CNOT8: variants seen among roughly 807,000 people sequenced by gnomAD.
CNOT8 encodes the protein CAF1-like protein.
A neutral mutation model predicts 34.6 loss-of-function variants in CNOT8; 18 were observed. The observed-to-expected ratio is 0.52, with a 90% CI of 0.36 to 0.77. The LOEUF (loss-of-function observed/expected upper bound fraction) is 0.77. Among genes scored for constraint, CNOT8 ranks in the 30% least tolerant of loss-of-function variants. CNOT8 has a pLI of 0.00. For synonymous variants in CNOT8, 101 were observed against 118.8 expected, an observed-to-expected ratio of 0.85 and a Z score of 0.98; for missense variants, 189 against 347.9, an observed-to-expected ratio of 0.54 and a Z score of 3.63.
intron 6 of CNOT8, among the ~76,000 whole-genome samples, chr5:154,873,123 C>T (rs1459500630): frequency 6.6e-6 from 1 of 151,714 alleles, no homozygotes; most frequent in Non-Finnish European, 1.5e-5. Context: ...CCAGGCTGGT[C>T]TCGAACTCCT....
chr5:154,860,934 G>A (rs554902453), intron 1 of CNOT8, among the ~76,000 whole-genome samples: 2 of 152,170 alleles, frequency 1.3e-5, no homozygotes, highest in African/African-American at 2.4e-5. Context: ...TTTTGTTGTT[G>A]TTGCTTTTGC....
chr5:154,874,428 TAGTC>T (rs1270622774), intron 6 of CNOT8, among the ~76,000 whole-genome samples: 5 of 151,682 alleles, frequency 3.3e-5, no homozygotes, highest in South Asian at 2.1e-4. Flanking sequence ...GTACAAAAAT[TAGTC>T]AGGTGTGATG....
At chr5:154,859,186 CAGA>C (rs1299396994) in intron 1 of CNOT8, 2 of 152,094 alleles carry the variant, frequency 1.3e-5, no homozygotes, top group Non-Finnish European at 2.9e-5. Flanking sequence ...CAAACAAAAA[CAGA>C]AGAAGAATGG....
At chr5:154,859,444 G>C (rs1446627648) in intron 1 of CNOT8, 3 of 152,234 alleles carry the variant, frequency 2.0e-5, no homozygotes, top group African/African-American at 7.2e-5. Flanking sequence ...GTGGTTTTAA[G>C]AAGTTTGAAC....
intron 3 of CNOT8, among the ~76,000 whole-genome samples, chr5:154,868,268 C>CTTTTTT (rs543872202): frequency 5.8e-5 from 6 of 103,908 alleles, no homozygotes; most frequent in Non-Finnish European, 9.3e-5. Flanking sequence ...CTTTTCTTTT[C>CTTTTTT]TTTTTTTTTT....
At chr5:154,858,816 T>G (rs1582558657) in intron 1 of CNOT8, 48 bp downstream of exon 1, 5 of 133,854 alleles carry the variant, frequency 3.7e-5, no homozygotes, top group South Asian at 2.4e-4. Flanking sequence ...GATGAAAGAG[T>G]GTGAGAGACC....
chr5:154,875,635 A>G lies in CNOT8; in HGVS notation c.*196A>G, dbSNP rs1762872892. The G allele has an allele frequency of 1.7e-6, 1 of 583,830 alleles. No individual in the cohort carries two copies. The highest frequency in any genetic ancestry group is 3.4e-5 in the Admixed American group (1 of 29,368). 36.2% of individuals were successfully genotyped at this position (583,830 alleles called of 1,614,324 possible). On this transcript the variant is annotated 3_prime_UTR_variant, in exon 7 of 7. Coordinates refer to ENST00000285896, the MANE Select transcript of CNOT8 (RefSeq NM_001301073.2). ...ACCCAGAAGAGAGGAGTTTGCTCTG[A>G]ATTTGTAAATAAGTCTTCCCCATTC...
At chr5:154,875,137 G>C (rs781347799) in intron 6 of CNOT8, among the ~76,000 whole-genome samples, 153 bp from the exon 7 acceptor site, 4 of 152,076 alleles carry the variant, frequency 2.6e-5, no homozygotes, top group Non-Finnish European at 4.4e-5. Context: ...GGCTGGTCTC[G>C]ACCTCCTGAC....
At chr5:154,867,216 A>G (rs1031577292) in intron 3 of CNOT8, among the ~76,000 whole-genome samples, 2 of 152,076 alleles carry the variant, frequency 1.3e-5, no homozygotes, top group African/African-American at 4.8e-5. Context: ...GAATATTATG[A>G]CAGTGTTACA....
At chr5:154,865,046 A>G in intron 2 of CNOT8, 146 bp from the exon 3 acceptor site, 1 of 697,330 alleles carries the variant, frequency 1.4e-6, no homozygotes, top group Non-Finnish European at 2.4e-6. Flanking sequence ...ACCCTATCTC[A>G]AAAAAACACA....
At chr5:154,863,847 A>T (rs371835552) in intron 2 of CNOT8, among the ~76,000 whole-genome samples, 1 of 152,074 alleles carries the variant, frequency 6.6e-6, no homozygotes, top group African/African-American at 2.4e-5. Flanking sequence ...TGTTCCACAG[A>T]TATGTTGGAT....
intron 3 of CNOT8, among the ~76,000 whole-genome samples, chr5:154,866,555 A>G (rs528421661): frequency 1.3e-5 from 2 of 152,194 alleles, no homozygotes; most frequent in Non-Finnish European, 2.9e-5. Context: ...ATATAATACA[A>G]GGAAGAAAAA....
intron 1 of CNOT8, chr5:154,859,670 C>T (rs1047650981): frequency 1.1e-4 from 17 of 152,226 alleles, no homozygotes; most frequent in African/African-American, 4.1e-4. Flanking sequence ...CAAAATCAGA[C>T]TCAACGTTTC....
intron 6 of CNOT8, among the ~76,000 whole-genome samples, chr5:154,872,862 G>A (rs1219613289): frequency 1.3e-5 from 2 of 152,106 alleles, no homozygotes; most frequent in South Asian, 2.1e-4. Context: ...TCCGCCTCCC[G>A]GGTTCAAGCT....
chr5:154,861,475 G>A (rs1185892002), intron 1 of CNOT8, among the ~76,000 whole-genome samples: 1 of 152,208 alleles, frequency 6.6e-6, no homozygotes, highest in South Asian at 2.1e-4. Context: ...TTAGAGAAAT[G>A]ATGCCAGTTT....
chr5:154,863,300 A>C lies in CNOT8; in HGVS notation c.22A>C (p.Asn8His), dbSNP rs1256816468. 6.8e-6 allele frequency: 11 copies of C among 1,614,072 alleles called. No individual in the cohort carries two copies. Among genetic ancestry groups the C allele is most frequent in the Non-Finnish European group, 9.3e-6 (11 of 1,179,950 alleles). Residue 8 changes from asparagine (N) to histidine (H), a missense_variant, in exon 2 of 7, where the codon AAT becomes CAT. Around this residue, in one of 2 missense-constraint regions of CNOT8, gnomAD observed 160 missense variants for 321.9 expected, o/e 0.50. Transcript: ENST00000285896. ...CAGGATGCCTGCAGCACTTGTGGAG[A>C]ATAGCCAGGTTATCTGTGAAGTGTG... MPAALVE[N>H]SQVICEVWAS...
chr5:154,862,681 A>C (rs965720862), intron 1 of CNOT8, among the ~76,000 whole-genome samples: 1 of 152,124 alleles, frequency 6.6e-6, no homozygotes, highest in Non-Finnish European at 1.5e-5. Flanking sequence ...GAGAAAAATA[A>C]TTTCCTTTTG....
intron 3 of CNOT8, among the ~76,000 whole-genome samples, chr5:154,869,066 G>A (rs897363717): frequency 2.6e-5 from 4 of 152,062 alleles, no homozygotes; most frequent in Admixed American, 6.6e-5. Flanking sequence ...TGGAAGGCGC[G>A]TCAGGTCATC....
At position 154,870,673 on chromosome 5, in the gene CNOT8, C is replaced by G; in HGVS notation, c.324C>G (p.Tyr108Ter). 6.2e-7 allele frequency: 1 copy of G among 1,613,034 alleles called. No homozygotes were observed. Among genetic ancestry groups the G allele is most frequent in the Non-Finnish European group, 8.5e-7 (1 of 1,179,538 alleles). Residue 108 changes from tyrosine (Y) to a stop codon, truncating the protein, a stop_gained, in exon 4 of 7, where the codon TAC (tyrosine) becomes TAG (stop). Transcript: ENST00000285896. LOFTEE classifies it high-confidence loss of function. ...CCTTGTTTTTTAGAGAGGACATGTA[C>G]TCCCAGGATTCCATAGATCTCCTTG... ...NFKFNLTEDM[Y>*]SQDSIDLLAN...
Sources: allele counts gnomAD v4.1 joint callset (sites outside exome capture counted in the v4.1 genomes callset), GRCh38; gene constraint gnomAD v4.1.1; regional missense constraint gnomAD v4.1.1; transcripts MANE v1.5; gene names NCBI Gene and HGNC (gene_info 2026-07-23, HGNC 2026-07-21).